Variants in CCDC68 observed in about 807,000 individuals in gnomAD.
The protein encoded by CCDC68 is coiled-coil domain containing 68, also known as coiled-coil domain-containing protein 68.
A neutral mutation model predicts 47.1 loss-of-function variants in CCDC68; 45 were observed. The ratio of observed to expected loss-of-function variants is 0.96; its 90% CI spans 0.75 to 1.23. The LOEUF (loss-of-function observed/expected upper bound fraction) is 1.23, where lower values mean the gene tolerates loss of function less well. CCDC68 is among the 50% of genes most tolerant of loss of function. The probability of loss-of-function intolerance (pLI) is 0.00; values close to 1 mark genes in which losing one functional copy is unlikely to be tolerated. For missense variants in CCDC68, 353 were observed against 373.6 expected, an observed-to-expected ratio of 0.94 and a Z score of 0.45; for synonymous variants, 131 against 129.5, an observed-to-expected ratio of 1.01 and a Z score of -0.08.
At chr18:54,950,941 C>T (rs1295355872) in intron 1 of CCDC68, among the ~76,000 whole-genome samples, 1 of 118,496 alleles carries the variant, frequency 8.4e-6, no homozygotes, top group Non-Finnish European at 1.6e-5. Flanking sequence ...CGGAGTCTCG[C>T]TCTGTCGCCC....
intron 1 of CCDC68, among the ~76,000 whole-genome samples, chr18:54,947,361 C>A (rs1422062622): frequency 1.3e-5 from 2 of 152,162 alleles, no homozygotes; most frequent in East Asian, 3.9e-4. Context: ...GGCTCTGCCA[C>A]CTCAACTTCA....
intron 11 of CCDC68, 25 bp downstream of exon 11, chr18:54,907,761 G>C (rs1385529865): frequency 7.6e-7 from 1 of 1,309,596 alleles, no homozygotes. Context: ...TGTGAAGACA[G>C]GGTGGAAGAG....
intron 10 of CCDC68, among the ~76,000 whole-genome samples, chr18:54,913,930 C>T (rs754929150): frequency 2.6e-5 from 4 of 152,160 alleles, no homozygotes; most frequent in African/African-American, 4.8e-5. Flanking sequence ...CAGGGATGCC[C>T]TCCCTAATCC....
intron 1 of CCDC68, among the ~76,000 whole-genome samples, chr18:54,955,671 C>T (rs917473740): frequency 6.6e-6 from 1 of 152,088 alleles, no homozygotes; most frequent in Non-Finnish European, 1.5e-5. Flanking sequence ...CAGAGGTATA[C>T]CAAAAGTCAA....
chr18:54,905,429 G>GGAAA (rs1913944836), intron 11 of CCDC68, among the ~76,000 whole-genome samples: 1 of 149,024 alleles, frequency 6.7e-6, no homozygotes, highest in South Asian at 2.1e-4. Flanking sequence ...AAGGAAGGAA[G>GGAAA]GAAGATCTAT....
Position 54,940,988 on chromosome 18 carries a change from A to T in CCDC68, c.204+9T>A. The T allele has an allele frequency of 2.5e-6, 4 of 1,583,806 alleles. 1 individual carries two copies. The highest frequency in any genetic ancestry group is 3.5e-6 in the Non-Finnish European group (4 of 1,154,536). On this transcript the variant is annotated intron_variant, in intron 4 of 11. Transcript: ENST00000591504. ...GGCTTTATGCTAATCTTCTGCAGGA[A>T]ATTATTACCTTTGCATCTAGTTTGT...
chr18:54,921,230 T>TAGC (rs2044054511), intron 8 of CCDC68, among the ~76,000 whole-genome samples: 2 of 152,130 alleles, frequency 1.3e-5, no homozygotes, highest in Admixed American at 6.5e-5. Context: ...GTTAAAAAAC[T>TAGC]ACCTGAGTGC....
intron 1 of CCDC68, chr18:54,958,145 T>C (rs1167623677): frequency 6.6e-6 from 1 of 152,372 alleles, no homozygotes. Context: ...GTCGGCCTTA[T>C]GACGTTGGCC....
Position 54,950,435 on chromosome 18 carries a change from A to T in CCDC68, c.-102-4958T>A, listed in dbSNP as rs376751058. ...TGGTGACATCCAGTGTCAGCTGGCT[A>T]AATCTCAGGTGACTGTGCAGTTTAT... On this transcript the variant is annotated intron_variant, in intron 1 of 11. Coordinates refer to ENST00000591504, the MANE Select transcript of CCDC68 (RefSeq NM_025214.3). Among the ~76,000 whole-genome samples the T allele has an allele frequency of 2.4e-4, 36 of 149,220 alleles. No homozygotes were observed. In the East Asian group the frequency reaches 4.6e-3, roughly 19 times the overall value.
rs2044509778 is a variant in CCDC68 at position 54,945,489 on chromosome 18, C to A, written c.-102-12G>T. Reference sequence around the variant, plus strand: ...TAAGACTGGCTTCCCTGGAGAGAAACAATAACAACAACAAAATATTTAAAA... The same window carrying A: ...TAAGACTGGCTTCCCTGGAGAGAAAAAATAACAACAACAAAATATTTAAAA... On this transcript the variant is annotated splice_polypyrimidine_tract_variant and intron_variant, in intron 1 of 11. Coordinates refer to ENST00000591504, the MANE Select transcript of CCDC68 (RefSeq NM_025214.3). 6.6e-6 allele frequency: 1 copy of A among 151,796 alleles called. No individual in the cohort carries two copies. Among genetic ancestry groups the A allele is most frequent in the South Asian group, 2.1e-4 (1 of 4,826 alleles). The allele number at this position is 151,796 out of a possible 1,614,324, so 9.4% of individuals were successfully genotyped here.
At chr18:54,932,107 C>G (rs765357477) in intron 7 of CCDC68, among the ~76,000 whole-genome samples, 5 of 152,006 alleles carry the variant, frequency 3.3e-5, no homozygotes, top group Admixed American at 1.3e-4. Context: ...CTCTTTAAAC[C>G]AAGAAGTTGC....
rs951307755 is a variant in CCDC68 at position 54,937,890 on chromosome 18, T to C, written c.345+67A>G. ...CTCTCTGCTTTTACAGAGCCACAGA[T>C]GCTAACAACCCATTCTATTAGCTCG... is the stretch of plus-strand genomic sequence containing the variant. On this transcript the variant is annotated intron_variant, in intron 5 of 11. Coordinates refer to ENST00000591504, the MANE Select transcript of CCDC68 (RefSeq NM_025214.3). 33 of 1,422,158 alleles carry C rather than the reference T, an allele frequency of 2.3e-5. No individual in the cohort carries two copies. In the Admixed American group the frequency reaches 5.2e-4, roughly 22 times the overall value. The allele number at this position is 1,422,158 out of a possible 1,614,324, so 88.1% of individuals were successfully genotyped here.
chr18:54,934,976 G>C (rs2044320238), intron 6 of CCDC68, 28 bp from the exon 7 acceptor site: 2 of 1,512,490 alleles, frequency 1.3e-6, no homozygotes, highest in South Asian at 2.7e-5. Context: ...GTTGTGTTGT[G>C]AAAACTCTGT....
At chr18:54,945,731 T>C (rs2044513831) in intron 1 of CCDC68, among the ~76,000 whole-genome samples, 1 of 152,254 alleles carries the variant, frequency 6.6e-6, no homozygotes, top group African/African-American at 2.4e-5. Flanking sequence ...TCCGCTGAAG[T>C]TGATTTGGCA....
intron 10 of CCDC68, among the ~76,000 whole-genome samples, chr18:54,911,047 G>A (rs938300529): frequency 1.3e-5 from 2 of 152,110 alleles, no homozygotes; most frequent in Non-Finnish European, 2.9e-5. Flanking sequence ...CCCTTGCCAC[G>A]CCTCCCTGCT....
chr18:54,919,513 C>A, intron 8 of CCDC68, 137 bp from the exon 9 acceptor site: 1 of 649,034 alleles, frequency 1.5e-6, no homozygotes, highest in Non-Finnish European at 2.8e-6. Flanking sequence ...CCCCATTATG[C>A]CACATAGGAC....
chr18:54,947,721 A>G (rs2044549954), intron 1 of CCDC68, among the ~76,000 whole-genome samples: 2 of 152,236 alleles, frequency 1.3e-5, no homozygotes, highest in African/African-American at 4.8e-5. Flanking sequence ...ACTATCCACA[A>G]TTAAGGCTGA....
intron 8 of CCDC68, among the ~76,000 whole-genome samples, chr18:54,922,987 C>CAAAAAAAAAAA (rs1183607769): frequency 2.5e-5 from 1 of 40,028 alleles, no homozygotes; most frequent in Non-Finnish European, 4.9e-5. Flanking sequence ...GACTCCGTCT[C>CAAAAAAAAAAA]AAAAAAAAAA....
Position 54,936,921 on chromosome 18 carries a change from C to T in CCDC68, c.383G>A (p.Arg128Lys). 1.2e-6 allele frequency: 2 copies of T among 1,614,150 alleles called. No homozygotes were observed. The highest frequency in any genetic ancestry group is 1.7e-6 in the Non-Finnish European group (2 of 1,180,034). ...ASREAGAAALRNVAQRLFENY... is the reference protein window; with the variant it reads ...ASREAGAAALKNVAQRLFENY... ...TTCAAATAATCTCTGGGCCACGTTT[C>T]TCAGAGCTGCTGCTCCTGCTTCTCT... The change falls in exon 6 of 12, where the codon AGA becomes AAA. Residue 128 changes from arginine (R) to lysine (K), a missense_variant. Transcript: ENST00000591504.
Sources: allele counts gnomAD v4.1 joint callset (sites outside exome capture counted in the v4.1 genomes callset), GRCh38; gene constraint gnomAD v4.1.1; transcripts MANE v1.5; gene names NCBI Gene and HGNC (gene_info 2026-07-23, HGNC 2026-07-21).